GALNT13: variants seen among roughly 807,000 people sequenced by gnomAD.
GALNT13 encodes UDP-GalNAc:polypeptide N-acetylgalactosaminyltransferase 13.
GALNT13 carries 28 observed loss-of-function variants against 64.2 expected under a neutral mutation model. The observed-to-expected ratio is 0.44, with a 90% CI of 0.32 to 0.60. GALNT13 has a LOEUF of 0.60. Among genes scored for constraint, GALNT13 ranks in the 20% least tolerant of loss-of-function variants. The pLI is 0.05. For missense variants in GALNT13, 577 were observed against 669.8 expected, an observed-to-expected ratio of 0.86 and a Z score of 1.53; for synonymous variants, 214 against 224.6, an observed-to-expected ratio of 0.95 and a Z score of 0.42.
chr2:154,414,500 G>A (rs533281311), intron 11 of GALNT13, among the ~76,000 whole-genome samples: 6 of 85,712 alleles, frequency 7.0e-5, no homozygotes, highest in African/African-American at 3.0e-4. Context: ...CCAACCCTGT[G>A]TATTATATTT....
At chr2:153,256,038 C>G in the GALNT13 span, among the ~76,000 whole-genome samples, 37 of 152,254 alleles carry the variant, frequency 2.4e-4, 1 homozygote, top group East Asian at 5.0e-3. Context: ...GGGAAGTTCT[C>G]CTGCATAATA....
chr2:154,067,454 G>A (rs1178065245), intron 3 of GALNT13, among the ~76,000 whole-genome samples: 1 of 151,980 alleles, frequency 6.6e-6, no homozygotes, highest in Non-Finnish European at 1.5e-5. Context: ...GACATTCCAT[G>A]CAAAGTAAAA....
chr2:154,001,620 T>C (rs1457017391), intron 3 of GALNT13, among the ~76,000 whole-genome samples: 1 of 152,026 alleles, frequency 6.6e-6, no homozygotes, highest in African/African-American at 2.4e-5. Flanking sequence ...TTTTATATTA[T>C]ATATCTCTTA....
chr2:153,930,032 C>A (rs1690409267), intron 2 of GALNT13, among the ~76,000 whole-genome samples: 1 of 151,984 alleles, frequency 6.6e-6, no homozygotes, highest in Non-Finnish European at 1.5e-5. Context: ...TTGTTAATAG[C>A]CATTCTGACT....
At chr2:154,131,075 G>A (rs1197904059) in intron 3 of GALNT13, among the ~76,000 whole-genome samples, 1 of 152,144 alleles carries the variant, frequency 6.6e-6, no homozygotes, top group Admixed American at 6.5e-5. Flanking sequence ...GCCATTGCAA[G>A]ATAAGGGCCT....
chr2:154,081,436 C>G (rs1423469881), intron 3 of GALNT13, among the ~76,000 whole-genome samples: 1 of 151,520 alleles, frequency 6.6e-6, no homozygotes, highest in African/African-American at 2.4e-5. Flanking sequence ...ACAATCACAT[C>G]ACTGCTCACT....
intron 9 of GALNT13, among the ~76,000 whole-genome samples, chr2:154,349,720 T>C (rs1330566724): frequency 6.6e-6 from 1 of 152,200 alleles, no homozygotes; most frequent in African/African-American, 2.4e-5. Context: ...CAGAATCAGA[T>C]GCTGGGATGA....
intron 8 of GALNT13, among the ~76,000 whole-genome samples, chr2:154,300,994 T>G (rs934488925): frequency 6.6e-6 from 1 of 152,190 alleles, no homozygotes; most frequent in South Asian, 2.1e-4. Flanking sequence ...CAGCTTAGAA[T>G]GAATGATCGT....
chr2:153,105,036 TC>T, the GALNT13 span, among the ~76,000 whole-genome samples: 1,428 of 65,508 alleles, frequency 0.022, 48 homozygotes, highest in African/African-American at 0.081. Flanking sequence ...CCCTCCCCCC[TC>T]CCCCCACCCG....
intron 4 of GALNT13, among the ~76,000 whole-genome samples, chr2:154,154,064 G>T (rs545588844): frequency 6.6e-6 from 1 of 152,044 alleles, no homozygotes; most frequent in Non-Finnish European, 1.5e-5. Flanking sequence ...GTTCCTATTC[G>T]GCCATCTTGG....
At chr2:153,256,128 TC>T in the GALNT13 span, among the ~76,000 whole-genome samples, 1 of 152,138 alleles carries the variant, frequency 6.6e-6, no homozygotes, top group East Asian at 1.9e-4. Flanking sequence ...TTTGGTCTTT[TC>T]ACATAGTCCC....
chr2:154,154,407 A>G (rs1684277252), intron 4 of GALNT13, among the ~76,000 whole-genome samples: 1 of 152,198 alleles, frequency 6.6e-6, no homozygotes, highest in South Asian at 2.1e-4. Flanking sequence ...GATGATGAAG[A>G]ATCTTAAAAA....
chr2:153,075,533 G>A, the GALNT13 span, among the ~76,000 whole-genome samples: 1 of 152,262 alleles, frequency 6.6e-6, no homozygotes, highest in Admixed American at 6.5e-5. Flanking sequence ...TGTCCTGAAA[G>A]TAAATCTCCC....
the GALNT13 span, among the ~76,000 whole-genome samples, chr2:153,567,589 C>A: frequency 6.6e-6 from 1 of 152,260 alleles, no homozygotes; most frequent in African/African-American, 2.4e-5. Flanking sequence ...ATCAACAGAC[C>A]AAAGTCCGTG....
intron 3 of GALNT13, among the ~76,000 whole-genome samples, chr2:154,131,851 C>T (rs866852112): frequency 6.6e-6 from 1 of 152,170 alleles, no homozygotes; most frequent in African/African-American, 2.4e-5. Flanking sequence ...GGGAAGCCAA[C>T]AGTGCAGCCT....
the GALNT13 span, among the ~76,000 whole-genome samples, chr2:153,448,668 C>A: frequency 2.0e-5 from 3 of 152,084 alleles, no homozygotes; most frequent in African/African-American, 7.2e-5. Flanking sequence ...AAAAGAATAC[C>A]ATGAGAGAAT....
intron 8 of GALNT13, 37 bp downstream of exon 8, chr2:154,259,175 T>TCAA (rs1254381717): frequency 8.8e-7 from 1 of 1,142,358 alleles, no homozygotes; most frequent in South Asian, 1.3e-5. Context: ...ATGCTGAACA[T>TCAA]ACAATGCTGT....
chr2:153,264,661 A>G, the GALNT13 span, among the ~76,000 whole-genome samples: 1 of 152,242 alleles, frequency 6.6e-6, no homozygotes, highest in Admixed American at 6.5e-5. Flanking sequence ...GCTGGAAGCC[A>G]TTATCCTCAG....
chr2:153,749,043 A>G, the GALNT13 span, among the ~76,000 whole-genome samples: 1 of 152,042 alleles, frequency 6.6e-6, no homozygotes, highest in Non-Finnish European at 1.5e-5. Flanking sequence ...ATTCTTCTAC[A>G]TATGAATATC....
Sources: gnomAD v4.1 joint callset for allele counts (sites outside exome capture counted in the v4.1 genomes callset) on GRCh38, gnomAD v4.1.1 for gene constraint, MANE v1.5 for transcripts, NCBI Gene and HGNC (gene_info 2026-07-23, HGNC 2026-07-21) for gene names.